GADL1: variants seen among roughly 807,000 people sequenced by gnomAD.
The protein encoded by GADL1 is GAD like acidic amino acid decarboxylase 1.
In GADL1, 71 loss-of-function variants were observed where a neutral mutation model predicts 69.5. The ratio of observed to expected loss-of-function variants is 1.02; its 90% confidence interval spans 0.84 to 1.25. The LOEUF is 1.25. Ranked by LOEUF, GADL1 falls within the 50% of genes most tolerant of loss-of-function variation. GADL1 has a pLI of 0.00. For missense variants in GADL1, 737 were observed against 631.8 expected (o/e 1.17, Z -1.79); for synonymous variants, 254 against 214.4 (o/e 1.18, Z -1.62).
intron 12 of GADL1, among the ~76,000 whole-genome samples, chr3:30,796,314 TG>T (rs1363033276): frequency 6.6e-6 from 1 of 152,176 alleles, no homozygotes; most frequent in Non-Finnish European, 1.5e-5. Context: ...TAGACTGTCT[TG>T]TTTTTTCACC....
chr3:30,773,934 A>G (rs1361928402), intron 14 of GADL1, among the ~76,000 whole-genome samples: 2 of 152,170 alleles, frequency 1.3e-5, no homozygotes, highest in African/African-American at 4.8e-5. Context: ...ATTAAAAACT[A>G]CAGTGATTTG....
intron 10 of GADL1, 62 bp downstream of exon 10, chr3:30,834,155 T>G (rs2125523809): frequency 3.1e-6 from 4 of 1,270,880 alleles, no homozygotes; most frequent in Non-Finnish European, 4.5e-6. Context: ...AAAATATCAC[T>G]TAGTCCAAAG....
rs59225483 is a variant in GADL1 at position 30,784,880 on chromosome 3, C to G, written c.1302+1475G>C. Among the ~76,000 whole-genome samples the G allele has an allele frequency of 8.3e-3, 1,266 of 152,302 alleles. 17 individuals carry two copies. The highest frequency in any genetic ancestry group is 0.029 in the African/African-American group (1,189 of 41,570). On this transcript the variant is annotated intron_variant, in intron 13 of 14. Transcript: ENST00000282538. ...CTGCCCACCTCTGCAATTCCATCAC[C>G]TGCTGCACACTCCCCTTCATTCAAT...
intron 4 of GADL1, among the ~76,000 whole-genome samples, chr3:30,853,273 A>C (rs1026663314): frequency 2.6e-5 from 4 of 152,046 alleles, no homozygotes; most frequent in South Asian, 2.1e-4. Context: ...AAATATATCA[A>C]TGCATGGGGC....
rs200997305 is a variant in GADL1 at position 30,835,517 on chromosome 3, C to CTT, written c.904-1238_904-1237dup. ...TAACAAGAAAGTACAGCACAAGCAACTTTGTGGCCTTAAATCCCACTTAAA... is the reference window on the plus strand; with the variant it reads ...TAACAAGAAAGTACAGCACAAGCAACTTTTTGTGGCCTTAAATCCCACTTAAA... On this transcript the variant is annotated intron_variant, in intron 9 of 14. Coordinates refer to ENST00000282538, the MANE Select transcript of GADL1 (RefSeq NM_207359.3). 9.9e-3 allele frequency among the ~76,000 whole-genome samples: 1,509 copies of CTT among 152,180 alleles called. 22 individuals carry two copies. The highest frequency in any genetic ancestry group is 0.034 in the African/African-American group (1,430 of 41,532).
At chr3:30,786,518 A>C (rs1696793942) in intron 12 of GADL1, 112 bp from the exon 13 acceptor site, 1 of 673,946 alleles carries the variant, frequency 1.5e-6, no homozygotes, top group Non-Finnish European at 2.7e-6. Flanking sequence ...AAAGATACAG[A>C]TAAAGGTCAA....
chr3:30,881,340 A>C, intron 1 of GADL1, among the ~76,000 whole-genome samples: 1 of 151,992 alleles, frequency 6.6e-6, no homozygotes, highest in East Asian at 1.9e-4. Context: ...CAGATACTTA[A>C]ACTCTTATAG....
At chr3:30,881,636 A>T (rs1698641907) in intron 1 of GADL1, among the ~76,000 whole-genome samples, 1 of 151,954 alleles carries the variant, frequency 6.6e-6, no homozygotes, top group Admixed American at 6.6e-5. Context: ...ACAACTGGAC[A>T]CATCTCTACT....
At chr3:30,836,960 C>G (rs1291524551) in intron 9 of GADL1, among the ~76,000 whole-genome samples, 4 of 152,030 alleles carry the variant, frequency 2.6e-5, no homozygotes, top group Non-Finnish European at 5.9e-5. Context: ...AAATTGAAGA[C>G]AGTATCAAAT....
intron 13 of GADL1, among the ~76,000 whole-genome samples, chr3:30,780,711 T>TA (rs1278461338): frequency 1.3e-5 from 2 of 152,190 alleles, no homozygotes; most frequent in South Asian, 2.1e-4. Context: ...AGAAACTTAC[T>TA]AAAAAATGCA....
At chr3:30,885,130 T>C (rs1698686194) in intron 1 of GADL1, among the ~76,000 whole-genome samples, 2 of 152,228 alleles carry the variant, frequency 1.3e-5, no homozygotes, top group Non-Finnish European at 2.9e-5. Flanking sequence ...CTGGGATTAG[T>C]AATTCTGGCG....
intron 6 of GADL1, 117 bp downstream of exon 6, chr3:30,849,879 C>T: frequency 3.2e-6 from 2 of 633,310 alleles, no homozygotes; most frequent in Non-Finnish European, 5.6e-6. Context: ...CTATGTTATA[C>T]TGCAGCATAT....
chr3:30,867,024 C>G (rs2125539303), intron 1 of GADL1, among the ~76,000 whole-genome samples: 1 of 152,124 alleles, frequency 6.6e-6, no homozygotes, highest in South Asian at 2.1e-4. Flanking sequence ...CCCACTTGAT[C>G]ACTCCCAAGT....
chr3:30,740,889 TACAA>T (rs59918227), intron 14 of GADL1, among the ~76,000 whole-genome samples: 5,321 of 144,524 alleles, frequency 0.037, 349 homozygotes, highest in African/African-American at 0.12. Context: ...TTTATATTTA[TACAA>T]ACAAACATAT....
chr3:30,729,245 C>T (rs1443832081), intron 14 of GADL1, among the ~76,000 whole-genome samples: 1 of 152,092 alleles, frequency 6.6e-6, no homozygotes, highest in Non-Finnish European at 1.5e-5. Context: ...AGTAGTATGG[C>T]CACCAAAGAG....
At chr3:30,816,447 TC>T (rs998316291) in intron 11 of GADL1, among the ~76,000 whole-genome samples, 1 of 150,362 alleles carries the variant, frequency 6.7e-6, no homozygotes, top group Non-Finnish European at 1.5e-5. Context: ...AGCACATCGT[TC>T]CCTAGCCCCA....
intron 14 of GADL1, among the ~76,000 whole-genome samples, chr3:30,742,080 C>T (rs191568723): frequency 1.3e-5 from 2 of 152,192 alleles, no homozygotes; most frequent in Non-Finnish European, 2.9e-5. Flanking sequence ...TGAGTAAAGA[C>T]GCTTCCAGAA....
chr3:30,827,723 A>G (rs867299138), intron 11 of GADL1, among the ~76,000 whole-genome samples: 1 of 151,928 alleles, frequency 6.6e-6, no homozygotes, highest in Non-Finnish European at 1.5e-5. Context: ...ATAATTTTAA[A>G]AATACAAGAA....
chr3:30,759,114 A>G (rs561645567), intron 14 of GADL1, among the ~76,000 whole-genome samples: 1 of 152,112 alleles, frequency 6.6e-6, no homozygotes, highest in Non-Finnish European at 1.5e-5. Flanking sequence ...GGTTGGATTT[A>G]GTGCTGGCAT....
Sources: allele counts gnomAD v4.1 joint callset (sites outside exome capture counted in the v4.1 genomes callset), GRCh38; gene constraint gnomAD v4.1.1; transcripts MANE v1.5; gene names NCBI Gene and HGNC (gene_info 2026-07-23, HGNC 2026-07-21).